Variants in SEPTIN9 observed in about 807,000 individuals in gnomAD.
SEPTIN9 encodes the protein septin-9.
In SEPTIN9, 13 loss-of-function variants were observed where a neutral mutation model predicts 56.6. The observed-to-expected ratio is 0.23, with a 90% CI of 0.15 to 0.37. The LOEUF (loss-of-function observed/expected upper bound fraction) is 0.37. SEPTIN9 is among the 10% of genes least tolerant of loss of function. The pLI is 1.00. For synonymous variants in SEPTIN9, 332 were observed against 334.1 expected (o/e 0.99, Z 0.07); for missense variants, 650 against 823.1 (o/e 0.79, Z 2.57).
At chr17:77,491,731 G>A (rs1163238135) in intron 8 of SEPTIN9, among the ~76,000 whole-genome samples, 1 of 151,158 alleles carries the variant, frequency 6.6e-6, no homozygotes, top group East Asian at 2.0e-4. Flanking sequence ...TCTTGAACCC[G>A]GGAGGCGGAG....
chr17:77,287,069 C>T (rs1454232499), intron 1 of SEPTIN9, among the ~76,000 whole-genome samples: 2 of 152,254 alleles, frequency 1.3e-5, no homozygotes, highest in African/African-American at 2.4e-5. Context: ...CCCCATGGCT[C>T]ACTTTGCTGT....
In SEPTIN9 at chr17:77,281,834, C is replaced by T; in HGVS notation, c.19+280C>T. On this transcript the variant is annotated intron_variant, in intron 1 of 11. Transcript: ENST00000427177. ...TCGCCCCTTGCACCCTCGCAGGAAT[C>T]GCTGACTTTCCAGGTCGGCCGGGTG... 6.6e-6 allele frequency: 3 copies of T among 452,800 alleles called. 1 individual carries two copies. The South Asian group carries it at 1.1e-4, about 16-fold the overall frequency. 28.0% of individuals were successfully genotyped at this position (452,800 alleles called of 1,614,324 possible).
At chr17:77,455,255 A>G (rs1180357487) in intron 3 of SEPTIN9, among the ~76,000 whole-genome samples, 2 of 152,088 alleles carry the variant, frequency 1.3e-5, no homozygotes, top group Non-Finnish European at 2.9e-5. Flanking sequence ...GGTCGGTCTC[A>G]GGGGACTGAC....
At chr17:77,427,786 A>T (rs1356394680) in intron 3 of SEPTIN9, among the ~76,000 whole-genome samples, 1 of 152,122 alleles carries the variant, frequency 6.6e-6, no homozygotes, top group East Asian at 1.9e-4. Context: ...GTCAGGCTGG[A>T]ACAGGAGGAG....
chr17:77,491,586 G>A (rs2040029432), intron 8 of SEPTIN9, among the ~76,000 whole-genome samples: 1 of 151,518 alleles, frequency 6.6e-6, no homozygotes, highest in African/African-American at 2.4e-5. Context: ...GCCGAGGCGG[G>A]CAGATCACTT....
chr17:77,479,830 C>T (rs1256826799), intron 3 of SEPTIN9, among the ~76,000 whole-genome samples: 1 of 152,128 alleles, frequency 6.6e-6, no homozygotes, highest in Admixed American at 6.5e-5. Context: ...AAATGGCTCT[C>T]AGACCCACAG....
At chr17:77,339,912 G>A (rs2143751237) in intron 2 of SEPTIN9, among the ~76,000 whole-genome samples, 1 of 151,908 alleles carries the variant, frequency 6.6e-6, no homozygotes, top group Non-Finnish European at 1.5e-5. Context: ...CGCAGCCTCC[G>A]CCTCCCAGGT....
intron 3 of SEPTIN9, 115 bp from the exon 4 acceptor site, chr17:77,482,029 T>G: frequency 1.9e-6 from 2 of 1,032,180 alleles, no homozygotes; most frequent in Non-Finnish European, 2.7e-6. Flanking sequence ...CGCTTAGCCT[T>G]TCTGAGCCTC....
chr17:77,364,733 C>T (rs73371477), intron 2 of SEPTIN9, among the ~76,000 whole-genome samples: 25 of 152,330 alleles, frequency 1.6e-4, no homozygotes, highest in African/African-American at 2.9e-4. Context: ...GGCATCTCCC[C>T]GCTCCCTCAT....
chr17:77,423,924 C>T (rs915283684), intron 3 of SEPTIN9, among the ~76,000 whole-genome samples: 1 of 150,786 alleles, frequency 6.6e-6, no homozygotes, highest in South Asian at 2.1e-4. Flanking sequence ...TGGCCGCCCG[C>T]CCTGAGCCCT....
chr17:77,390,034 C>G (rs534896859), intron 2 of SEPTIN9, among the ~76,000 whole-genome samples: 3 of 152,278 alleles, frequency 2.0e-5, no homozygotes, highest in Non-Finnish European at 2.9e-5. Context: ...GGAGCAGGCA[C>G]AGAGAGGCCT....
chr17:77,442,381 TAG>T (rs1271385072), intron 3 of SEPTIN9, among the ~76,000 whole-genome samples: 1 of 151,466 alleles, frequency 6.6e-6, no homozygotes, highest in African/African-American at 2.4e-5. Context: ...GTATTTTTAG[TAG>T]AGACAGGGTT....
At chr17:77,289,847 G>A (rs547717918) in intron 1 of SEPTIN9, among the ~76,000 whole-genome samples, 1 of 152,272 alleles carries the variant, frequency 6.6e-6, no homozygotes, top group East Asian at 1.9e-4. Context: ...AAATTGAAAG[G>A]AAAACTTCAA....
chr17:77,492,851 C>A lies in SEPTIN9; in HGVS notation c.1477-129C>A. 1 of 1,196,862 alleles carries A rather than the reference C, an allele frequency of 8.4e-7. No homozygotes were observed. The highest frequency in any genetic ancestry group is 1.2e-5 in the South Asian group (1 of 81,078). The allele number at this position is 1,196,862 out of a possible 1,614,324, so 74.1% of individuals were successfully genotyped here. ...AGGGCACTGAGCCCAGGTGTCTGTACCCAGTGCTGTCAGGCTGAGGCTCTC... is the reference window on the plus strand; with the variant it reads ...AGGGCACTGAGCCCAGGTGTCTGTAACCAGTGCTGTCAGGCTGAGGCTCTC... On this transcript the variant is annotated intron_variant, in intron 9 of 11. Coordinates refer to ENST00000427177, the MANE Select transcript of SEPTIN9 (RefSeq NM_001113491.2). The surrounding 1 kb of genome is among the most constrained non-coding windows in gnomAD (Gnocchi z 5.4).
chr17:77,409,162 T>G lies in SEPTIN9; in HGVS notation c.721+6459T>G, dbSNP rs551681873. On this transcript the variant is annotated intron_variant, in intron 3 of 11. Coordinates refer to ENST00000427177, the MANE Select transcript of SEPTIN9 (RefSeq NM_001113491.2). Reference sequence around the variant, plus strand: ...TTGCAGAGGGCACCCAGGTCCCCTTTTACTTTGGGATTGGGTCTCTTTCTC... The same window carrying G: ...TTGCAGAGGGCACCCAGGTCCCCTTGTACTTTGGGATTGGGTCTCTTTCTC... Among the ~76,000 whole-genome samples, 5 of 152,180 alleles carry G rather than the reference T, an allele frequency of 3.3e-5. No individual in the cohort carries two copies. In the South Asian group the frequency reaches 1.0e-3, roughly 32 times the overall value.
intron 1 of SEPTIN9, among the ~76,000 whole-genome samples, chr17:77,287,199 G>A (rs1247326238): frequency 6.6e-6 from 1 of 152,226 alleles, no homozygotes; most frequent in Non-Finnish European, 1.5e-5. Context: ...GGAGGGACTT[G>A]GTGGGCAGCC....
rs915019600 is a variant in SEPTIN9 at position 77,405,787 on chromosome 17, G to A, written c.721+3084G>A. ...TCTGTGTCACGACCGTTCTGGACAC[G>A]GATCCAGTTCTCTCCAACTCAGCTT... On this transcript the variant is annotated intron_variant, in intron 3 of 11. Transcript: ENST00000427177. The surrounding 1 kb of genome is among the most constrained non-coding windows in gnomAD (Gnocchi z 5.8). Among the ~76,000 whole-genome samples, 1 of 152,156 alleles carries A rather than the reference G, an allele frequency of 6.6e-6. No homozygotes were observed. Among genetic ancestry groups the A allele is most frequent in the African/African-American group, 2.4e-5 (1 of 41,432 alleles).
intron 3 of SEPTIN9, among the ~76,000 whole-genome samples, chr17:77,479,021 G>A (rs1327622908): frequency 6.6e-6 from 1 of 152,204 alleles, no homozygotes; most frequent in Admixed American, 6.5e-5. Flanking sequence ...CAGAGGCTTG[G>A]GGGATGGGGC....
intron 1 of SEPTIN9, among the ~76,000 whole-genome samples, chr17:77,300,997 A>G (rs370952985): frequency 1.2e-5 from 1 of 85,286 alleles, no homozygotes; most frequent in East Asian, 3.9e-4. Flanking sequence ...AGTGCCCGCA[A>G]CCCAGGCTTA....
Sources: gnomAD v4.1 joint callset for allele counts (sites outside exome capture counted in the v4.1 genomes callset) on GRCh38, gnomAD v4.1.1 for gene constraint, Gnocchi (gnomAD v3.1) non-coding constraint, MANE v1.5 for transcripts, NCBI Gene and HGNC (gene_info 2026-07-23, HGNC 2026-07-21) for gene names.